RBMS3: variants seen among roughly 807,000 people sequenced by gnomAD.
RBMS3 encodes the protein RNA binding motif single stranded interacting protein 3.
A neutral mutation model predicts 66.8 loss-of-function variants in RBMS3; 27 were observed. That is an observed-to-expected ratio of 0.40 (90% CI 0.30 to 0.56). The LOEUF (loss-of-function observed/expected upper bound fraction) is 0.56. RBMS3 is among the 20% of genes least tolerant of loss of function. RBMS3 has a pLI of 0.40. For missense variants in RBMS3, 513 were observed against 549.5 expected, an observed-to-expected ratio of 0.93 and a Z score of 0.66; for synonymous variants, 188 against 183.0, an observed-to-expected ratio of 1.03 and a Z score of -0.22.
chr3:29,285,526 A>G (rs1261434947), intron 1 of RBMS3, among the ~76,000 whole-genome samples: 1 of 152,072 alleles, frequency 6.6e-6, no homozygotes, highest in Non-Finnish European at 1.5e-5. Flanking sequence ...CCAGTTGCCA[A>G]TGATGTTGCT....
At chr3:29,612,183 T>C (rs2048515982) in intron 4 of RBMS3, among the ~76,000 whole-genome samples, 9 of 152,102 alleles carry the variant, frequency 5.9e-5, no homozygotes, top group Admixed American at 5.9e-4. Flanking sequence ...AACAACATAA[T>C]ATTCATTTAA....
At chr3:29,902,096 G>A (rs548558758) in intron 10 of RBMS3, among the ~76,000 whole-genome samples, 1 of 151,902 alleles carries the variant, frequency 6.6e-6, no homozygotes, top group African/African-American at 2.4e-5. Flanking sequence ...TAACAACATG[G>A]ATTCTTGGTT....
chr3:29,438,762 T>C (rs889694979), intron 2 of RBMS3, among the ~76,000 whole-genome samples: 2 of 152,204 alleles, frequency 1.3e-5, no homozygotes, highest in African/African-American at 4.8e-5. Context: ...TATTTACAGA[T>C]TATATCCTGC....
chr3:29,930,388 A>C (rs1239537017), intron 10 of RBMS3, among the ~76,000 whole-genome samples: 1 of 151,856 alleles, frequency 6.6e-6, no homozygotes, highest in Non-Finnish European at 1.5e-5. Context: ...CTGGGATTAC[A>C]GGCGTGAGCC....
chr3:29,710,078 C>G (rs2053098655), intron 4 of RBMS3, among the ~76,000 whole-genome samples: 1 of 152,168 alleles, frequency 6.6e-6, no homozygotes, highest in African/African-American at 2.4e-5. Context: ...TTGGCATTAC[C>G]TGTTCAAACT....
intron 6 of RBMS3, among the ~76,000 whole-genome samples, chr3:29,799,744 A>T (rs1198703890): frequency 6.6e-6 from 1 of 152,192 alleles, no homozygotes; most frequent in East Asian, 1.9e-4. Context: ...CATTGATGAA[A>T]ACAAAAATGA....
chr3:29,444,255 T>C (rs2041733918), intron 2 of RBMS3, among the ~76,000 whole-genome samples: 1 of 152,078 alleles, frequency 6.6e-6, no homozygotes, highest in Non-Finnish European at 1.5e-5. Flanking sequence ...GTTAACTCAT[T>C]TAGATGTCAT....
intron 4 of RBMS3, among the ~76,000 whole-genome samples, chr3:29,612,728 T>C (rs1224240342): frequency 6.6e-6 from 1 of 152,124 alleles, no homozygotes; most frequent in Non-Finnish European, 1.5e-5. Context: ...ATGGAGTTTA[T>C]GAAATCAGGC....
intron 3 of RBMS3, among the ~76,000 whole-genome samples, chr3:29,548,991 CCAAA>C (rs1032941402): frequency 2.6e-5 from 4 of 151,250 alleles, no homozygotes; most frequent in Admixed American, 6.6e-5. Flanking sequence ...TAAAAAATCA[CCAAA>C]CAAATAATCA....
chr3:29,819,116 A>G (rs934344392), intron 6 of RBMS3, among the ~76,000 whole-genome samples: 1 of 152,206 alleles, frequency 6.6e-6, no homozygotes, highest in Non-Finnish European at 1.5e-5. Flanking sequence ...GTGAAACATC[A>G]AGTGTTCTAT....
At chr3:29,959,098 T>C (rs1291841015) in intron 12 of RBMS3, among the ~76,000 whole-genome samples, 2 of 152,168 alleles carry the variant, frequency 1.3e-5, no homozygotes, top group Non-Finnish European at 2.9e-5. Flanking sequence ...GAATACAAGT[T>C]TTGAACAAGA....
At chr3:29,717,123 C>T (rs942628666) in intron 4 of RBMS3, among the ~76,000 whole-genome samples, 2 of 151,696 alleles carry the variant, frequency 1.3e-5, no homozygotes, top group South Asian at 2.1e-4. Context: ...ATCCTTTACC[C>T]GCTCACAGCC....
At chr3:29,587,085 A>G (rs749196491) in intron 3 of RBMS3, 29 bp from the exon 4 acceptor site, 3 of 1,558,502 alleles carry the variant, frequency 1.9e-6, no homozygotes, top group Non-Finnish European at 2.6e-6. Flanking sequence ...TTTTGTGAAT[A>G]TTAACAAGGG....
chr3:29,827,068 C>T (rs990188095), intron 6 of RBMS3, among the ~76,000 whole-genome samples: 2 of 152,094 alleles, frequency 1.3e-5, no homozygotes, highest in South Asian at 4.1e-4. Flanking sequence ...TACCTACATT[C>T]CAGCAAGTTA....
chr3:29,627,257 G>GTC (rs10632731), intron 4 of RBMS3, among the ~76,000 whole-genome samples: 2,345 of 149,608 alleles, frequency 0.016, 61 homozygotes, highest in African/African-American at 0.054. Context: ...GAGTATCTCT[G>GTC]TCTCTCTCTC....
chr3:29,743,028 A>T (rs1407778527), intron 5 of RBMS3, among the ~76,000 whole-genome samples: 1 of 152,194 alleles, frequency 6.6e-6, no homozygotes, highest in African/African-American at 2.4e-5. Context: ...CAACACAGAA[A>T]AAGTATTTCG....
At chr3:29,716,441 C>T (rs1215528308) in intron 4 of RBMS3, among the ~76,000 whole-genome samples, 1 of 151,980 alleles carries the variant, frequency 6.6e-6, no homozygotes, top group East Asian at 1.9e-4. Flanking sequence ...AAATTTGAAA[C>T]CATAGATAAA....
chr3:29,389,285 A>G (rs1461343164), intron 1 of RBMS3, among the ~76,000 whole-genome samples: 1 of 152,154 alleles, frequency 6.6e-6, no homozygotes, highest in Non-Finnish European at 1.5e-5. Flanking sequence ...AGATTGCTGT[A>G]ACAGTGATCT....
intron 4 of RBMS3, 96 bp from the exon 5 acceptor site, chr3:29,739,624 T>A: frequency 1.7e-6 from 2 of 1,155,270 alleles, no homozygotes; most frequent in Non-Finnish European, 2.4e-6. Context: ...TTTTGGAGAT[T>A]ATTATCTAGA....
Sources: gnomAD v4.1 joint callset for allele counts (sites outside exome capture counted in the v4.1 genomes callset) on GRCh38, gnomAD v4.1.1 for gene constraint, MANE v1.5 for transcripts, NCBI Gene and HGNC (gene_info 2026-07-23, HGNC 2026-07-21) for gene names.